The following DPY19L2 variants were observed in gnomAD, a reference collection of about 807,000 sequenced individuals.
DPY19L2 encodes probable C-mannosyltransferase DPY19L2.
Under a neutral mutation model 97.9 loss-of-function variants are expected in DPY19L2, and 34 were observed. The observed-to-expected ratio is 0.35, with a 90% confidence interval of 0.26 to 0.46. The LOEUF (loss-of-function observed/expected upper bound fraction) is 0.46, where lower values mean the gene tolerates loss of function less well. Ranked by LOEUF, DPY19L2 falls within the 20% of genes least tolerant of loss-of-function variation. The pLI, the probability that DPY19L2 is intolerant of heterozygous loss-of-function variation, is 1.00. For missense variants in DPY19L2, 623 were observed against 911.4 expected, an observed-to-expected ratio of 0.68 and a Z score of 4.07; for synonymous variants, 230 against 307.9, an observed-to-expected ratio of 0.75 and a Z score of 2.65.
At chr12:63,599,482 T>A (rs1454184777) in intron 13 of DPY19L2, among the ~76,000 whole-genome samples, 2 of 152,158 alleles carry the variant, frequency 1.3e-5, no homozygotes. Context: ...ACATGTTGCA[T>A]GTTATATTGC....
intron 3 of DPY19L2, among the ~76,000 whole-genome samples, chr12:63,663,495 A>G (rs1257908164): frequency 5.3e-5 from 8 of 152,150 alleles, no homozygotes; most frequent in Non-Finnish European, 1.5e-5. Flanking sequence ...TCACTTCTTC[A>G]GTGCTTTCTT....
At chr12:63,653,791 A>G (rs1894596920) in intron 4 of DPY19L2, among the ~76,000 whole-genome samples, 1 of 152,058 alleles carries the variant, frequency 6.6e-6, no homozygotes, top group African/African-American at 2.4e-5. Flanking sequence ...AACCAACAAG[A>G]GAGAAACAAA....
At chr12:63,588,305 T>C (rs1450084438) in intron 16 of DPY19L2, among the ~76,000 whole-genome samples, 3 of 152,106 alleles carry the variant, frequency 2.0e-5, no homozygotes, top group African/African-American at 7.2e-5. Flanking sequence ...CCTGAGGCCT[T>C]TTTTCAGAAT....
In DPY19L2 at chr12:63,663,835, C is replaced by T; in HGVS notation, c.373G>A (p.Val125Ile). The change falls in exon 3 of 22, where the codon GTA becomes ATA. Residue 125 changes from valine (V) to isoleucine (I), a missense_variant. By Grantham distance (29) the Val-to-Ile change is conservative. Transcript: ENST00000324472. ...TGACGATCATTTTCAAAAAGTGTTA[C>T]TAAATGTAACCTAGAAAAAAATGAA... ...FVAILHWLHLVTLFENDRHFS... is the reference protein window; with the variant it reads ...FVAILHWLHLITLFENDRHFS... 6.2e-7 allele frequency: 1 copy of T among 1,600,014 alleles called. No individual in the cohort carries two copies. Among genetic ancestry groups the T allele is most frequent in the South Asian group, 1.1e-5 (1 of 87,408 alleles).
At chr12:63,617,174 T>C in intron 11 of DPY19L2, 130 bp downstream of exon 11, 1 of 609,384 alleles carries the variant, frequency 1.6e-6, no homozygotes, top group South Asian at 2.1e-5. Context: ...AAAGCTTTGC[T>C]TGGGAAGAAT....
chr12:63,636,763 A>G (rs1244068299), intron 6 of DPY19L2, among the ~76,000 whole-genome samples: 1 of 152,188 alleles, frequency 6.6e-6, no homozygotes, highest in Non-Finnish European at 1.5e-5. Flanking sequence ...CACCCAATAC[A>G]GGAGCAGCCA....
rs1169870156 is a variant in DPY19L2 at position 63,596,293 on chromosome 12, AT to A, written c.1462-257del. Among the ~76,000 whole-genome samples the A allele has an allele frequency of 5.9e-5, 9 of 152,130 alleles. No homozygotes were observed. The South Asian group carries it at 1.7e-3, about 28-fold the overall frequency. On this transcript the variant is annotated intron_variant, in intron 14 of 21. Transcript: ENST00000324472. ...TAATAAAACTAGAATTGCTATATCT[AT>A]TTTTTCTTTTCTGTTTTTTATTTAC...
intron 15 of DPY19L2, among the ~76,000 whole-genome samples, chr12:63,594,603 G>A (rs193208353): frequency 6.7e-5 from 10 of 150,046 alleles, no homozygotes; most frequent in African/African-American, 2.5e-4. Flanking sequence ...GTGCGTGCAC[G>A]TGTGTGTGTA....
At chr12:63,641,150 C>T (rs1298308450) in intron 6 of DPY19L2, among the ~76,000 whole-genome samples, 18 of 152,010 alleles carry the variant, frequency 1.2e-4, no homozygotes, top group Admixed American at 9.2e-4. Flanking sequence ...ATGATCTGCC[C>T]GCCTCGGCCT....
chr12:63,620,014 G>A (rs1888434412), intron 9 of DPY19L2: 1 of 454,842 alleles, frequency 2.2e-6, no homozygotes, highest in Non-Finnish European at 4.4e-6. Flanking sequence ...TTGAGCTGGG[G>A]TTATAATTTC....
Position 63,661,474 on chromosome 12 carries a change from T to C in DPY19L2, c.458A>G (p.Tyr153Cys), listed in dbSNP as rs1259717445. 2.6e-6 allele frequency: 4 copies of C among 1,561,672 alleles called. No individual in the cohort carries two copies. The highest frequency in any genetic ancestry group is 2.6e-6 in the Non-Finnish European group (3 of 1,162,522). The change falls in exon 4 of 22, where the codon TAT becomes TGT. Residue 153 changes from tyrosine to cysteine, a missense_variant. Physicochemically the swap from Tyr to Cys is radical, Grantham distance 194 (BLOSUM62 -2). Coordinates refer to ENST00000324472, the MANE Select transcript of DPY19L2 (RefSeq NM_173812.5). Reference sequence around the variant, plus strand: ...AATAATGGTCTTGAAGTATGAATAATAAAGTCCCTTTTTTTAAAAAAAGAC... The same window carrying C: ...AATAATGGTCTTGAAGTATGAATAACAAAGTCCCTTTTTTTAAAAAAAGAC... ...EMTFRTEMGL[Y>C]YSYFKTIIEA...
chr12:63,642,209 A>G (rs1228096939), intron 6 of DPY19L2, among the ~76,000 whole-genome samples: 1 of 152,126 alleles, frequency 6.6e-6, no homozygotes, highest in Non-Finnish European at 1.5e-5. Flanking sequence ...CAGTCTTTCA[A>G]TAAATATTTA....
chr12:63,662,855 A>T (rs559863828), intron 3 of DPY19L2, among the ~76,000 whole-genome samples: 1 of 152,274 alleles, frequency 6.6e-6, no homozygotes, highest in East Asian at 1.9e-4. Context: ...AGGGATGAAA[A>T]TTAAAAAGCA....
chr12:63,588,908 G>A (rs966371654), intron 16 of DPY19L2, among the ~76,000 whole-genome samples: 5 of 151,578 alleles, frequency 3.3e-5, no homozygotes, highest in Admixed American at 2.0e-4. Flanking sequence ...CGCCCACCAC[G>A]ATGCCCAGCT....
In DPY19L2 at chr12:63,619,188, C is replaced by T. The variant is rs188953583; in HGVS notation, c.1054-960G>A. On this transcript the variant is annotated intron_variant, in intron 9 of 21. Coordinates refer to ENST00000324472, the MANE Select transcript of DPY19L2 (RefSeq NM_173812.5). ...AGGCATGGTGGCTCACGCCTATAAT[C>T]CCAGCATTTTGGGAGGCCAAGATAG... Among the ~76,000 whole-genome samples, 1,493 of 152,104 alleles carry T rather than the reference C, an allele frequency of 9.8e-3. 16 individuals are homozygous for T. The highest frequency in any genetic ancestry group is 0.016 in the Non-Finnish European group (1,059 of 67,998).
In DPY19L2 at chr12:63,652,980, G is replaced by A. The variant is rs1293331008; in HGVS notation, c.589-5615C>T. Among the ~76,000 whole-genome samples the A allele has an allele frequency of 2.0e-5, 3 of 152,096 alleles. No homozygotes were observed. The East Asian group carries it at 5.8e-4, about 29-fold the overall frequency. ...AGAAAAATAGAACACATAAAGAAAA[G>A]TCAAAATTTTCAGAACTCAAAAATA... is the stretch of plus-strand genomic sequence containing the variant. On this transcript the variant is annotated intron_variant, in intron 4 of 21. Coordinates refer to ENST00000324472, the MANE Select transcript of DPY19L2 (RefSeq NM_173812.5).
At chr12:63,634,259 G>C (rs1051802430) in intron 6 of DPY19L2, among the ~76,000 whole-genome samples, 8 of 152,050 alleles carry the variant, frequency 5.3e-5, no homozygotes, top group African/African-American at 1.9e-4. Flanking sequence ...AATAATGATG[G>C]CAGCTGTGAG....
Position 63,624,279 on chromosome 12 carries a change from C to T in DPY19L2, c.862-148G>A. 3 of 638,774 alleles carry T rather than the reference C, an allele frequency of 4.7e-6. No individual in the cohort carries two copies. In the East Asian group the frequency reaches 8.3e-5, roughly 18 times the overall value. The allele number at this position is 638,774 out of a possible 1,614,324, so 39.6% of individuals were successfully genotyped here. A position where few individuals can be genotyped will look rare whatever the true frequency, so the allele number is the denominator to read the frequency against. On this transcript the variant is annotated intron_variant, in intron 7 of 21. Transcript: ENST00000324472. ...TGGCATAGCTTCTCAGTTTTTGAAGCTCTCTTAACTCATGAGGCCATTATG... is the reference window on the plus strand; with the variant it reads ...TGGCATAGCTTCTCAGTTTTTGAAGTTCTCTTAACTCATGAGGCCATTATG...
At chr12:63,599,178 C>CA (rs34866870) in intron 13 of DPY19L2, among the ~76,000 whole-genome samples, 1,951 of 124,800 alleles carry the variant, frequency 0.016, 25 homozygotes, top group East Asian at 0.045. Context: ...TTTCAAAAAA[C>CA]AAAAAAAAAA....
Sources: allele counts gnomAD v4.1 joint callset (sites outside exome capture counted in the v4.1 genomes callset), GRCh38; gene constraint gnomAD v4.1.1; transcripts MANE v1.5; gene names NCBI Gene and HGNC (gene_info 2026-07-23, HGNC 2026-07-21).